Variants in TSHZ3 observed in about 807,000 individuals in gnomAD.
TSHZ3 encodes the protein teashirt homolog 3.
TSHZ3 carries 10 observed loss-of-function variants against 64.5 expected under a neutral mutation model. That is an observed-to-expected ratio of 0.16 (90% CI 0.10 to 0.26). TSHZ3 has a LOEUF of 0.26. TSHZ3 is among the 10% of genes least tolerant of loss of function. TSHZ3 has a pLI of 1.00. For missense variants in TSHZ3, 1,242 were observed against 1,421.7 expected (o/e 0.87, Z 2.03); for synonymous variants, 608 against 593.1 (o/e 1.03, Z -0.36).
chr19:31,194,096 C>G (rs1316928077), intron 5 of TSHZ3, among the ~76,000 whole-genome samples: 1 of 152,034 alleles, frequency 6.6e-6, no homozygotes, highest in Non-Finnish European at 1.5e-5. Flanking sequence ...AATTCATGAG[C>G]AGAACTTCTG....
At position 31,276,558 on chromosome 19, in the gene TSHZ3, C is replaced by CT; in HGVS notation, c.3234dup (p.Glu1079ArgfsTer17). The stretch of plus-strand genomic sequence containing the variant: ...ATCAAAAGCAAATGCTACTGCTTCT[C>CT]TAACTCAGAGACATACAGAAGGTGG... On this transcript the variant is annotated frameshift_variant, in exon 2 of 2. Coordinates refer to ENST00000240587, the MANE Select transcript of TSHZ3 (RefSeq NM_020856.4). LOFTEE classifies it high-confidence loss of function. 1.3e-6 allele frequency: 2 copies of CT among 1,549,870 alleles called. No homozygotes were observed. Among genetic ancestry groups the CT allele is most frequent in the African/African-American group, 2.7e-5 (2 of 73,048 alleles).
chr19:31,176,210 C>T (rs1164825793), intron 5 of TSHZ3, among the ~76,000 whole-genome samples: 1 of 152,140 alleles, frequency 6.6e-6, no homozygotes, highest in Non-Finnish European at 1.5e-5. Flanking sequence ...AGAGGCTTGG[C>T]TGGACCCACC....
downstream of TSHZ3, among the ~76,000 whole-genome samples, chr19:31,272,822 A>G (rs1432327124): frequency 6.6e-6 from 1 of 152,182 alleles, no homozygotes; most frequent in Non-Finnish European, 1.5e-5. Context: ...GGACTGCAGC[A>G]AGCCGGGGCT....
At chr19:31,338,608 G>A (rs367546500) in intron 1 of TSHZ3, among the ~76,000 whole-genome samples, 16 of 135,808 alleles carry the variant, frequency 1.2e-4, no homozygotes, top group East Asian at 6.5e-4. Context: ...AGCATGACAC[G>A]GAGTTTAAAA....
At chr19:31,186,109 A>G (rs945841777) in intron 5 of TSHZ3, among the ~76,000 whole-genome samples, 2 of 152,158 alleles carry the variant, frequency 1.3e-5, no homozygotes, top group African/African-American at 4.8e-5. Context: ...TTTACCCATT[A>G]TGAATCAAGT....
chr19:31,313,974 G>C (rs138397617), intron 1 of TSHZ3, among the ~76,000 whole-genome samples: 2 of 152,162 alleles, frequency 1.3e-5, no homozygotes, highest in African/African-American at 4.8e-5. Flanking sequence ...CCTTCATCTC[G>C]GGTAATGACG....
chr19:31,213,438 C>T (rs1239941612), intron 4 of TSHZ3, among the ~76,000 whole-genome samples: 2 of 134,740 alleles, frequency 1.5e-5, no homozygotes, highest in Non-Finnish European at 3.0e-5. Flanking sequence ...AGGCAGAGCA[C>T]AGAAGATTTT....
intron 1 of TSHZ3, among the ~76,000 whole-genome samples, chr19:31,313,858 C>T (rs1188521576): frequency 6.6e-6 from 1 of 152,176 alleles, no homozygotes; most frequent in Admixed American, 6.5e-5. Flanking sequence ...CACTGAGAGT[C>T]CGGGTACCTG....
At chr19:31,255,605 G>C (rs1043130064) in intron 1 of TSHZ3, among the ~76,000 whole-genome samples, 2 of 152,108 alleles carry the variant, frequency 1.3e-5, no homozygotes, top group African/African-American at 4.8e-5. Context: ...CACTACAGCT[G>C]CTCCCCAAGC....
intron 4 of TSHZ3, among the ~76,000 whole-genome samples, chr19:31,226,639 T>C (rs1180677284): frequency 5.3e-5 from 8 of 152,126 alleles, no homozygotes; most frequent in Admixed American, 2.6e-4. Flanking sequence ...CTCTAAATCC[T>C]ATATTCCATT....
intron 1 of TSHZ3, among the ~76,000 whole-genome samples, chr19:31,330,721 A>G (rs991208194): frequency 1.3e-5 from 2 of 150,364 alleles, no homozygotes; most frequent in Non-Finnish European, 3.0e-5. Flanking sequence ...GGGGGAGGAA[A>G]GTCCAGAACA....
At position 31,277,320 on chromosome 19, in the gene TSHZ3, C is replaced by A; in HGVS notation, c.2473G>T (p.Ala825Ser). The A allele has an allele frequency of 6.2e-7, 1 of 1,613,164 alleles. No homozygotes were observed. The highest frequency in any genetic ancestry group is 8.5e-7 in the Non-Finnish European group (1 of 1,179,140). The change falls in exon 2 of 2, where the codon GCA becomes TCA. Residue 825 changes from alanine to serine, a missense_variant. Around this residue, in one of 4 missense-constraint regions of TSHZ3, gnomAD observed 550 missense variants for 545.1 expected, o/e 1.01. Coordinates refer to ENST00000240587, the MANE Select transcript of TSHZ3 (RefSeq NM_020856.4). The surrounding 1 kb of genome is among the most constrained non-coding windows in gnomAD (Gnocchi z 4.5). ...PATSSSTVTT[A>S]KTSAVVSFMS... ...AATGATACGACGGCAGATGTCTTTG[C>A]CGTTGTCACCGTGGATGAGGAGGTT... is the stretch of plus-strand genomic sequence containing the variant.
chr19:31,308,390 T>A (rs1346316040), intron 1 of TSHZ3: 3 of 358,530 alleles, frequency 8.4e-6, no homozygotes, highest in Non-Finnish European at 1.5e-5. Context: ...CAAGTCATAA[T>A]AAGGGAAAAT....
At chr19:31,226,529 A>G in intron 4 of TSHZ3, among the ~76,000 whole-genome samples, 1 of 152,166 alleles carries the variant, frequency 6.6e-6, no homozygotes, top group Non-Finnish European at 1.5e-5. Flanking sequence ...AATCCATTAA[A>G]CAACTTTTTG....
At chr19:31,183,739 C>A (rs1261913222) in intron 5 of TSHZ3, among the ~76,000 whole-genome samples, 3 of 152,138 alleles carry the variant, frequency 2.0e-5, no homozygotes, top group Admixed American at 2.0e-4. Context: ...GATGTTTCCA[C>A]CTCTTACATT....
At chr19:31,315,346 C>T (rs1916571979) in intron 1 of TSHZ3, among the ~76,000 whole-genome samples, 1 of 152,256 alleles carries the variant, frequency 6.6e-6, no homozygotes, top group South Asian at 2.1e-4. Flanking sequence ...CAAAGCGTCC[C>T]CGGTCTGTTC....
exon 7 of TSHZ3, among the ~76,000 whole-genome samples, chr19:31,151,401 C>T (rs770540229): frequency 6.6e-6 from 1 of 152,144 alleles, no homozygotes; most frequent in African/African-American, 2.4e-5. Context: ...TTAACATGAG[C>T]CATCTTCTTC....
chr19:31,192,731 C>T (rs1046860495), intron 5 of TSHZ3, among the ~76,000 whole-genome samples: 1 of 152,194 alleles, frequency 6.6e-6, no homozygotes, highest in African/African-American at 2.4e-5. Flanking sequence ...TTTACTTGCT[C>T]ATTAGATGCC....
At chr19:31,211,508 G>A (rs1975258526) in intron 4 of TSHZ3, among the ~76,000 whole-genome samples, 1 of 152,204 alleles carries the variant, frequency 6.6e-6, no homozygotes, top group African/African-American at 2.4e-5. Context: ...AAGAAGGCAG[G>A]ACTGGGCTAG....
Sources: allele counts gnomAD v4.1 joint callset (sites outside exome capture counted in the v4.1 genomes callset), GRCh38; gene constraint gnomAD v4.1.1; regional missense constraint gnomAD v4.1.1; non-coding constraint Gnocchi (gnomAD v3.1); transcripts MANE v1.5; gene names NCBI Gene and HGNC (gene_info 2026-07-23, HGNC 2026-07-21).